Variants in HHAT observed in about 807,000 individuals in gnomAD.
The protein encoded by HHAT is hedgehog acyltransferase.
HHAT carries 47 observed loss-of-function variants against 70.8 expected under a neutral mutation model. That is an observed-to-expected ratio of 0.66 (90% CI 0.53 to 0.85). The LOEUF is 0.85. Ranked by LOEUF, HHAT falls within the 40% of genes least tolerant of loss-of-function variation. HHAT has a pLI of 0.00. For synonymous variants in HHAT, 228 were observed against 247.6 expected (o/e 0.92, Z 0.74); for missense variants, 609 against 604.8 (o/e 1.01, Z -0.07).
chr1:210,518,803 C>T (rs2095104035), intron 9 of HHAT, among the ~76,000 whole-genome samples: 1 of 152,108 alleles, frequency 6.6e-6, no homozygotes, highest in Non-Finnish European at 1.5e-5. Context: ...CAAAAACAAA[C>T]ATTTGGGAAG....
intron 8 of HHAT, among the ~76,000 whole-genome samples, chr1:210,472,277 C>A (rs1478976698): frequency 1.3e-5 from 2 of 152,184 alleles, no homozygotes; most frequent in African/African-American, 4.8e-5. Context: ...TACAAAACCC[C>A]TGTGAAGTAG....
chr1:210,529,706 C>T (rs1219182332), intron 9 of HHAT, among the ~76,000 whole-genome samples: 1 of 152,144 alleles, frequency 6.6e-6, no homozygotes, highest in Non-Finnish European at 1.5e-5. Flanking sequence ...GCAAGGATGG[C>T]AGAGAGACAT....
chr1:210,417,825 G>A (rs146790268), intron 6 of HHAT, among the ~76,000 whole-genome samples: 2 of 152,216 alleles, frequency 1.3e-5, no homozygotes, highest in East Asian at 3.9e-4. Flanking sequence ...AATTCCCAGT[G>A]GGGAAAATAC....
intron 11 of HHAT, among the ~76,000 whole-genome samples, chr1:210,633,137 A>G (rs1320010861): frequency 6.6e-6 from 1 of 152,126 alleles, no homozygotes; most frequent in African/African-American, 2.4e-5. Context: ...GAATATAGGG[A>G]GGATTCTGTT....
intron 7 of HHAT, among the ~76,000 whole-genome samples, chr1:210,431,989 C>T (rs1411611363): frequency 2.0e-5 from 3 of 151,844 alleles, no homozygotes; most frequent in Admixed American, 6.5e-5. Flanking sequence ...TGTAGAGTGA[C>T]CAAATATCCC....
intron 11 of HHAT, among the ~76,000 whole-genome samples, chr1:210,643,916 A>G (rs1673484188): frequency 6.9e-6 from 1 of 145,202 alleles, no homozygotes; most frequent in South Asian, 2.4e-4. Context: ...TTTTTATTTT[A>G]TGGAGAAATT....
intron 8 of HHAT, among the ~76,000 whole-genome samples, chr1:210,487,421 A>C (rs917994446): frequency 4.2e-4 from 64 of 152,312 alleles, no homozygotes; most frequent in African/African-American, 1.4e-3. Context: ...TGGTCTTCAG[A>C]GGTATCCAGT....
chr1:210,350,967 T>C (rs1009386087), intron 2 of HHAT, among the ~76,000 whole-genome samples: 8 of 152,170 alleles, frequency 5.3e-5, no homozygotes, highest in Non-Finnish European at 1.2e-4. Flanking sequence ...TGAATGACTG[T>C]ATTAGTTAGG....
intron 8 of HHAT, among the ~76,000 whole-genome samples, chr1:210,505,910 C>T (rs896998613): frequency 4.6e-5 from 7 of 152,268 alleles, no homozygotes; most frequent in Non-Finnish European, 8.8e-5. Context: ...CTGTTTTTAT[C>T]CCTAGCTTCC....
intron 1 of HHAT, among the ~76,000 whole-genome samples, chr1:210,333,467 TGTATGA>T (rs141720356): frequency 0.049 from 7,512 of 152,082 alleles, 217 homozygotes; most frequent in East Asian, 0.11. Context: ...AAGCTCCAAA[TGTATGA>T]GTATATGTAC....
intron 3 of HHAT, chr1:210,374,069 TAAACAAACAGTGAC>T (rs1410773824): frequency 6.6e-6 from 1 of 152,226 alleles, no homozygotes; most frequent in Non-Finnish European, 1.5e-5. Flanking sequence ...ACACAATGTT[TAAACAAACAGTGAC>T]AATGAATCAC....
intron 7 of HHAT, among the ~76,000 whole-genome samples, chr1:210,460,326 T>G (rs1230468169): frequency 1.3e-5 from 2 of 152,324 alleles, no homozygotes; most frequent in Non-Finnish European, 2.9e-5. Flanking sequence ...TCATACTTCC[T>G]AAGTTAATAT....
chr1:210,399,689 T>G (rs2091970380), intron 4 of HHAT, among the ~76,000 whole-genome samples: 1 of 152,180 alleles, frequency 6.6e-6, no homozygotes, highest in Non-Finnish European at 1.5e-5. Flanking sequence ...GTTAAAACAT[T>G]GTGGTTTTTA....
intron 10 of HHAT, among the ~76,000 whole-genome samples, chr1:210,607,263 A>G (rs1665657425): frequency 6.6e-6 from 1 of 151,984 alleles, no homozygotes; most frequent in Admixed American, 6.6e-5. Context: ...TATCTTATTA[A>G]AATGGGTTGA....
intron 9 of HHAT, among the ~76,000 whole-genome samples, chr1:210,548,869 G>C (rs1244814375): frequency 6.6e-6 from 1 of 152,144 alleles, no homozygotes; most frequent in Non-Finnish European, 1.5e-5. Context: ...GCCTGTATTT[G>C]GCATTATTCC....
chr1:210,413,654 A>G (rs1002164111), intron 6 of HHAT, among the ~76,000 whole-genome samples: 1 of 152,202 alleles, frequency 6.6e-6, no homozygotes, highest in African/African-American at 2.4e-5. Flanking sequence ...AATTCAGCCA[A>G]GTTCTTTGCT....
chr1:210,561,765 G>C (rs1048543339), intron 9 of HHAT, among the ~76,000 whole-genome samples: 1 of 152,098 alleles, frequency 6.6e-6, no homozygotes, highest in Non-Finnish European at 1.5e-5. Context: ...TTGCCTCCAC[G>C]TACTTATCAT....
chr1:210,528,202 A>T (rs2095273445), intron 9 of HHAT, among the ~76,000 whole-genome samples: 1 of 152,178 alleles, frequency 6.6e-6, no homozygotes, highest in South Asian at 2.1e-4. Context: ...GTCACAATGC[A>T]CCAGACCCAG....
chr1:210,383,958 G>T (rs569111716), intron 3 of HHAT, among the ~76,000 whole-genome samples: 58 of 152,254 alleles, frequency 3.8e-4, no homozygotes, highest in African/African-American at 1.3e-3. Context: ...TTTTTGGTGT[G>T]TCTTCATTGT....
Sources: gnomAD v4.1 joint callset for allele counts (sites outside exome capture counted in the v4.1 genomes callset) on GRCh38, gnomAD v4.1.1 for gene constraint, MANE v1.5 for transcripts, NCBI Gene and HGNC (gene_info 2026-07-23, HGNC 2026-07-21) for gene names.